Variants in AGMO observed in about 807,000 individuals in gnomAD.
AGMO encodes the protein glyceryl-ether monooxygenase.
A neutral mutation model predicts 60.2 loss-of-function variants in AGMO; 75 were observed. That is an observed-to-expected ratio of 1.25 (90% CI 1.03 to 1.51). AGMO has a LOEUF of 1.51. Ranked by LOEUF, AGMO falls within the 40% of genes most tolerant of loss-of-function variation. The pLI is 0.00. For synonymous variants in AGMO, 261 were observed against 177.1 expected (o/e 1.47, Z -3.76); for missense variants, 763 against 525.5 (o/e 1.45, Z -4.42).
chr7:15,296,985 A>G (rs926569570), intron 12 of AGMO, among the ~76,000 whole-genome samples: 26 of 152,146 alleles, frequency 1.7e-4, no homozygotes, highest in African/African-American at 6.0e-4. Flanking sequence ...TGTGAATTTT[A>G]GGCTACCTTG....
Position 15,426,939 on chromosome 7 carries a change from C to A in AGMO, c.513+4066G>T, listed in dbSNP as rs374753888. Among the ~76,000 whole-genome samples, 3 of 151,884 alleles carry A rather than the reference C, an allele frequency of 2.0e-5. No homozygotes were observed. In the East Asian group the frequency reaches 5.8e-4, roughly 29 times the overall value. ...GGAAGATGAAACTGGAGAGACGAAA[C>A]CAAGTTTTGACTAGCTCTGCATGTG... is the stretch of plus-strand genomic sequence containing the variant. On this transcript the variant is annotated intron_variant, in intron 4 of 12. Coordinates refer to ENST00000342526, the MANE Select transcript of AGMO (RefSeq NM_001004320.2).
At chr7:15,387,925 C>CA (rs1783990268) in intron 8 of AGMO, among the ~76,000 whole-genome samples, 1 of 146,030 alleles carries the variant, frequency 6.8e-6, no homozygotes, top group African/African-American at 2.6e-5. Flanking sequence ...TTTTTTTCCC[C>CA]AAGACAGAGT....
chr7:15,157,092 G>A, the AGMO span, among the ~76,000 whole-genome samples: 8 of 151,914 alleles, frequency 5.3e-5, no homozygotes, highest in East Asian at 1.9e-4. Context: ...CTTGAATTGC[G>A]GTCTACTTTA....
chr7:15,340,638 G>A (rs1215911547), intron 12 of AGMO, among the ~76,000 whole-genome samples: 1 of 152,196 alleles, frequency 6.6e-6, no homozygotes, highest in African/African-American at 2.4e-5. Context: ...CCAAGCCTTG[G>A]CAGCTCCATG....
chr7:15,370,081 G>A (rs1783142460), intron 10 of AGMO, among the ~76,000 whole-genome samples: 1 of 152,034 alleles, frequency 6.6e-6, no homozygotes, highest in African/African-American at 2.4e-5. Flanking sequence ...TTAGTCCCCA[G>A]TGTCTATTGT....
At chr7:15,537,252 T>C (rs1297240825) in intron 3 of AGMO, among the ~76,000 whole-genome samples, 1 of 152,076 alleles carries the variant, frequency 6.6e-6, no homozygotes, top group Admixed American at 6.6e-5. Flanking sequence ...TTCACAAAGC[T>C]AGAAGATGAG....
intron 3 of AGMO, among the ~76,000 whole-genome samples, chr7:15,487,185 T>A (rs1249128738): frequency 6.6e-6 from 1 of 152,158 alleles, no homozygotes. Flanking sequence ...TCCAACTTGG[T>A]GAAAAATTCT....
the AGMO span, among the ~76,000 whole-genome samples, chr7:15,146,749 T>C: frequency 6.6e-6 from 1 of 152,190 alleles, no homozygotes; most frequent in African/African-American, 2.4e-5. Context: ...CAGATGCAAG[T>C]ATCACCATAA....
At chr7:15,323,499 G>C (rs966901620) in intron 12 of AGMO, among the ~76,000 whole-genome samples, 1 of 152,124 alleles carries the variant, frequency 6.6e-6, no homozygotes, top group Non-Finnish European at 1.5e-5. Flanking sequence ...GAGGGATATT[G>C]TCAACATTAT....
chr7:15,338,035 G>T (rs1016332925), intron 12 of AGMO, among the ~76,000 whole-genome samples: 1 of 152,152 alleles, frequency 6.6e-6, no homozygotes, highest in Non-Finnish European at 1.5e-5. Context: ...CAGGTGGAAA[G>T]GAATGTTTTA....
intron 3 of AGMO, among the ~76,000 whole-genome samples, chr7:15,439,059 A>C (rs6948865): frequency 0.21 from 32,070 of 152,102 alleles, 3,522 homozygotes; most frequent in African/African-American, 0.23. Flanking sequence ...ACATTTTCTT[A>C]TCATCAACCT....
At chr7:15,392,207 C>A (rs1784171293) in intron 6 of AGMO, among the ~76,000 whole-genome samples, 1 of 151,972 alleles carries the variant, frequency 6.6e-6, no homozygotes, top group Non-Finnish European at 1.5e-5. Flanking sequence ...GTAGCTGCGA[C>A]CGCAGGTGCC....
intron 12 of AGMO, among the ~76,000 whole-genome samples, chr7:15,230,783 C>T (rs576785474): frequency 6.6e-6 from 1 of 152,238 alleles, no homozygotes; most frequent in South Asian, 2.1e-4. Flanking sequence ...GCTCTCTCCC[C>T]ACCGCAGAAT....
At chr7:15,159,348 C>G in the AGMO span, among the ~76,000 whole-genome samples, 110 of 152,140 alleles carry the variant, frequency 7.2e-4, no homozygotes, top group Admixed American at 2.8e-3. Flanking sequence ...TCTTTAAGCT[C>G]TACAGAAGTG....
intron 12 of AGMO, among the ~76,000 whole-genome samples, chr7:15,355,381 T>C (rs1245267366): frequency 1.3e-5 from 2 of 151,462 alleles, no homozygotes; most frequent in Non-Finnish European, 2.9e-5. Flanking sequence ...CGGATGCCTG[T>C]AGTCCCAGCT....
the AGMO span, among the ~76,000 whole-genome samples, chr7:15,177,258 T>C: frequency 9.6e-4 from 146 of 152,190 alleles, 2 homozygotes; most frequent in East Asian, 0.017. Flanking sequence ...AAAAAGTATA[T>C]TAGGTAATGA....
chr7:15,131,130 G>A, the AGMO span, among the ~76,000 whole-genome samples: 1 of 151,962 alleles, frequency 6.6e-6, no homozygotes, highest in African/African-American at 2.4e-5. Flanking sequence ...AGAAGGAGGC[G>A]TTCTTTTCAT....
chr7:15,391,623 C>T (rs1376286285), intron 6 of AGMO, among the ~76,000 whole-genome samples: 1 of 152,156 alleles, frequency 6.6e-6, no homozygotes. Flanking sequence ...CATTCCTTTG[C>T]ATGGTTTCCA....
At chr7:15,444,799 A>T (rs891052169) in intron 3 of AGMO, among the ~76,000 whole-genome samples, 1 of 152,180 alleles carries the variant, frequency 6.6e-6, no homozygotes, top group African/African-American at 2.4e-5. Flanking sequence ...ATGTATCTGC[A>T]GCTCTCTGTT....
Sources: gnomAD v4.1 joint callset for allele counts (sites outside exome capture counted in the v4.1 genomes callset) on GRCh38, gnomAD v4.1.1 for gene constraint, MANE v1.5 for transcripts, NCBI Gene and HGNC (gene_info 2026-07-23, HGNC 2026-07-21) for gene names.